The following ERMP1 variants were observed in gnomAD, a reference collection of about 807,000 sequenced individuals.
The protein encoded by ERMP1 is Felix-ina.
Under a neutral mutation model 92.0 loss-of-function variants are expected in ERMP1, and 86 were observed. The ratio of observed to expected loss-of-function variants is 0.93; its 90% CI spans 0.79 to 1.12. The LOEUF (loss-of-function observed/expected upper bound fraction) is 1.12, where lower values mean the gene tolerates loss of function less well. ERMP1 is among the 50% of genes most tolerant of loss of function. The probability of loss-of-function intolerance (pLI) is 0.00; values close to 1 mark genes in which losing one functional copy is unlikely to be tolerated. For missense variants in ERMP1, 1,342 were observed against 1,116.3 expected, an observed-to-expected ratio of 1.20 and a Z score of -2.88; for synonymous variants, 530 against 412.8, an observed-to-expected ratio of 1.28 and a Z score of -3.44.
chr9:5,803,715 T>C lies in ERMP1; in HGVS notation c.1914+1312A>G, dbSNP rs534693339. On this transcript the variant is annotated intron_variant, in intron 10 of 14. Transcript: ENST00000339450. ...ACAGCAAACCTATCAAAAATACAGA[T>C]GATATAAGGGTTACTATTAAACTCA... Among the ~76,000 whole-genome samples, 73 of 152,184 alleles carry C rather than the reference T, an allele frequency of 4.8e-4. No individual in the cohort carries two copies. The Middle Eastern group carries it at 0.01, about 21-fold the overall frequency.
At chr9:5,838,488 G>A (rs1050001942) in intron 6 of ERMP1, among the ~76,000 whole-genome samples, 6 of 151,242 alleles carry the variant, frequency 4.0e-5, no homozygotes, top group African/African-American at 1.2e-4. Context: ...CTGCCATAGC[G>A]CCACTGCACT....
At position 5,801,186 on chromosome 9, in the gene ERMP1, A is replaced by ACTCT. The variant is rs1407652404; in HGVS notation, c.2053_2056dup (p.Val686GlufsTer9). The ACTCT allele has an allele frequency of 1.8e-5, 29 of 1,610,746 alleles. No homozygotes were observed. Among genetic ancestry groups the ACTCT allele is most frequent in the Non-Finnish European group, 2.4e-5 (28 of 1,178,886 alleles). On this transcript the variant is annotated frameshift_variant, in exon 11 of 15. Coordinates refer to ENST00000339450, the MANE Select transcript of ERMP1 (RefSeq NM_024896.3). LOFTEE classifies it high-confidence loss of function. Reference sequence around the variant, plus strand: ...TGCAAAACTGCTCACCTGAAGAAACACTCTCTTTGGCTTCGGATTAGCAGG... The same window carrying ACTCT: ...TGCAAAACTGCTCACCTGAAGAAACACTCTCTCTCTTTGGCTTCGGATTAGCAGG...
At chr9:5,806,403 C>T (rs1319905989) in intron 8 of ERMP1, among the ~76,000 whole-genome samples, 1 of 151,184 alleles carries the variant, frequency 6.6e-6, no homozygotes, top group Non-Finnish European at 1.5e-5. Context: ...ACCTTGCACT[C>T]TTCAAAATAA....
chr9:5,821,098 CAT>C (rs1468304847), intron 4 of ERMP1, among the ~76,000 whole-genome samples: 1 of 152,156 alleles, frequency 6.6e-6, no homozygotes, highest in African/African-American at 2.4e-5. Flanking sequence ...AATTTTGAAA[CAT>C]GGGGATTTCA....
In ERMP1 at chr9:5,812,280, C is replaced by A. The variant is rs573046542; in HGVS notation, c.1022-63G>T. ...TTTAAAGATCAACCTTGCTTTCGACCTATTTCTTTAATAAATTCCTAAAAG... is the reference window on the plus strand; with the variant it reads ...TTTAAAGATCAACCTTGCTTTCGACATATTTCTTTAATAAATTCCTAAAAG... On this transcript the variant is annotated intron_variant, in intron 5 of 14. Transcript: ENST00000339450. 2.9e-4 allele frequency: 278 copies of A among 947,022 alleles called. 1 individual carries two copies. The highest frequency in any genetic ancestry group is 4.5e-4 in the Admixed American group (18 of 39,992). The allele number at this position is 947,022 out of a possible 1,614,324, so 58.7% of individuals were successfully genotyped here. A position where few individuals can be genotyped will look rare whatever the true frequency, so the allele number is the denominator to read the frequency against.
intron 13 of ERMP1, 91 bp from the exon 14 acceptor site, chr9:5,787,684 T>C: frequency 7.7e-7 from 1 of 1,300,798 alleles, no homozygotes; most frequent in Non-Finnish European, 1.1e-6. Context: ...TAAAGGTTCA[T>C]GCCTGCATGA....
In ERMP1 at chr9:5,787,116, G is replaced by A. The variant is rs1827971893; in HGVS notation, c.*28C>T. The A allele has an allele frequency of 1.3e-6, 2 of 1,597,190 alleles. No homozygotes were observed. The highest frequency in any genetic ancestry group is 1.3e-5 in the African/African-American group (1 of 74,592). ...ACCATGTCACATGGAGTATCCACTGGGCATGTACTTAGAGCTCATCCACAA... is the reference window on the plus strand; with the variant it reads ...ACCATGTCACATGGAGTATCCACTGAGCATGTACTTAGAGCTCATCCACAA... On this transcript the variant is annotated 3_prime_UTR_variant, in exon 15 of 15. Coordinates refer to ENST00000339450, the MANE Select transcript of ERMP1 (RefSeq NM_024896.3).
At chr9:5,864,216 G>C (rs1026699376) in intron 5 of ERMP1, among the ~76,000 whole-genome samples, 6 of 152,192 alleles carry the variant, frequency 3.9e-5, no homozygotes, top group Non-Finnish European at 8.8e-5. Flanking sequence ...TAGACTTGTT[G>C]CTTGAGGCCA....
At chr9:5,859,631 G>T (rs1413992036) in intron 5 of ERMP1, among the ~76,000 whole-genome samples, 2 of 152,120 alleles carry the variant, frequency 1.3e-5, no homozygotes, top group African/African-American at 2.4e-5. Context: ...GTGAGAAAAA[G>T]GAAAATAGAG....
At chr9:5,844,685 T>C (rs190387818) in intron 6 of ERMP1, among the ~76,000 whole-genome samples, 8 of 152,228 alleles carry the variant, frequency 5.3e-5, no homozygotes, top group Non-Finnish European at 1.0e-4. Context: ...GGAACTCCTC[T>C]GGAAGAAGCC....
intron 5 of ERMP1, among the ~76,000 whole-genome samples, chr9:5,863,872 A>C (rs997614816): frequency 2.0e-5 from 3 of 152,232 alleles, no homozygotes; most frequent in Non-Finnish European, 4.4e-5. Flanking sequence ...TTCTGGTGTC[A>C]ATAAATATTT....
intron 2 of ERMP1, among the ~76,000 whole-genome samples, chr9:5,826,905 T>C (rs1235162450): frequency 6.6e-6 from 1 of 152,242 alleles, no homozygotes; most frequent in Non-Finnish European, 1.5e-5. Context: ...TTAATGGTTC[T>C]GGTGCGTTAA....
Position 5,860,134 on chromosome 9 carries a change from C to A in ERMP1, n.3056-523G>T, listed in dbSNP as rs1265981929. On this transcript the variant is annotated intron_variant and non_coding_transcript_variant, in intron 5 of 6. Coordinates refer to the ERMP1 transcript ENST00000690753. ...CAGTATAGTGAGACCTTGTCTCTACCAAAAAAAAAAAAAAGTTTTAATTAG... is the reference window on the plus strand; with the variant it reads ...CAGTATAGTGAGACCTTGTCTCTACAAAAAAAAAAAAAAAGTTTTAATTAG... Among the ~76,000 whole-genome samples, 135 of 140,878 alleles carry A rather than the reference C, an allele frequency of 9.6e-4. 1 individual carries two copies. Among genetic ancestry groups the A allele is most frequent in the African/African-American group, 2.1e-3 (80 of 38,286 alleles). 92.4% of individuals were successfully genotyped at this position (140,878 alleles called of 152,430 possible).
At chr9:5,809,264 C>T (rs1262722900) in intron 8 of ERMP1, among the ~76,000 whole-genome samples, 9 of 151,836 alleles carry the variant, frequency 5.9e-5, no homozygotes, top group Admixed American at 5.2e-4. Flanking sequence ...TTGTGATCCG[C>T]CCACCTCAGC....
At chr9:5,815,499 A>G (rs1018727251) in intron 4 of ERMP1, among the ~76,000 whole-genome samples, 3 of 150,664 alleles carry the variant, frequency 2.0e-5, no homozygotes, top group Non-Finnish European at 3.0e-5. Context: ...AATAACAAAA[A>G]AAAAAAAAAA....
At position 5,832,978 on chromosome 9, in the gene ERMP1, A is replaced by G. The variant is rs767049203; in HGVS notation, c.50T>C (p.Val17Ala). The change falls in exon 1 of 15, where the codon GTA becomes GCA. Residue 17 changes from valine (V) to alanine (A), a missense_variant. Coordinates refer to ENST00000339450, the MANE Select transcript of ERMP1 (RefSeq NM_024896.3). ...GGCCGCCGCTCCCTCTCGACGCTCT[A>G]CTCCGACGCGGTGCCGCCTCACAGC... ...SAAVRRHRVG[V>A]ERREGAAAAP... The G allele has an allele frequency of 6.4e-7, 1 of 1,561,460 alleles. No homozygotes were observed. Among genetic ancestry groups the G allele is most frequent in the Non-Finnish European group, 8.6e-7 (1 of 1,164,982 alleles).
intron 14 of ERMP1, 24 bp downstream of exon 14, chr9:5,787,402 GAAAC>G (rs1827988698): frequency 6.2e-7 from 1 of 1,608,974 alleles, no homozygotes; most frequent in Non-Finnish European, 8.5e-7. Context: ...CCTAATCAAT[GAAAC>G]AAACAATGCT....
At chr9:5,853,728 G>A (rs190905047) in intron 6 of ERMP1, among the ~76,000 whole-genome samples, 3 of 151,170 alleles carry the variant, frequency 2.0e-5, no homozygotes, top group African/African-American at 4.9e-5. Flanking sequence ...GCATGTGTTA[G>A]AATCACCCAG....
chr9:5,832,771 G>T lies in ERMP1; in HGVS notation c.257C>A (p.Thr86Lys). Reference protein sequence around the residue: ...GLALYLIALRTLVQLSLQQLV... With the variant: ...GLALYLIALRKLVQLSLQQLV... ...CTGCTGCAGCGAGAGCTGCACCAGCGTCCGCAGCGCGATCAGGTAGAGCGC... is the reference window on the plus strand; with the variant it reads ...CTGCTGCAGCGAGAGCTGCACCAGCTTCCGCAGCGCGATCAGGTAGAGCGC... The change falls in exon 1 of 15, where the codon ACG becomes AAG. Residue 86 changes from threonine to lysine, a missense_variant. By Grantham distance (78) the Thr-to-Lys change is moderately conservative. Transcript: ENST00000339450. The T allele has an allele frequency of 6.7e-7, 1 of 1,499,410 alleles. No homozygotes were observed. Among genetic ancestry groups the T allele is most frequent in the Non-Finnish European group, 8.8e-7 (1 of 1,132,644 alleles). 92.9% of individuals were successfully genotyped at this position (1,499,410 alleles called of 1,614,324 possible). A position where few individuals can be genotyped will look rare whatever the true frequency, so the allele number is the denominator to read the frequency against.
Sources: allele counts gnomAD v4.1 joint callset (sites outside exome capture counted in the v4.1 genomes callset), GRCh38; gene constraint gnomAD v4.1.1; transcripts MANE v1.5; gene names NCBI Gene and HGNC (gene_info 2026-07-23, HGNC 2026-07-21).